LASP1: variants seen among roughly 807,000 people sequenced by gnomAD.
LASP1 encodes LIM and SH3 protein 1, also known as LIM and SH3 domain protein 1.
LASP1 carries 10 observed loss-of-function variants against 38.6 expected under a neutral mutation model. That is an observed-to-expected ratio of 0.26 (90% CI 0.16 to 0.44). The LOEUF is 0.44. Ranked by LOEUF, LASP1 falls within the 20% of genes least tolerant of loss-of-function variation. The probability of loss-of-function intolerance (pLI) is 1.00; values close to 1 mark genes in which losing one functional copy is unlikely to be tolerated. For missense variants in LASP1, 243 were observed against 375.7 expected (o/e 0.65, Z 2.92); for synonymous variants, 132 against 140.8 (o/e 0.94, Z 0.44).
intron 3 of LASP1, among the ~76,000 whole-genome samples, chr17:38,892,725 C>T (rs1486556136): frequency 6.6e-6 from 1 of 152,232 alleles, no homozygotes; most frequent in Non-Finnish European, 1.5e-5. Flanking sequence ...GTTGTTCCCC[C>T]TGCCCAGGAT....
chr17:38,921,387 C>T lies in LASP1; in HGVS notation c.*2609C>T, dbSNP rs1915294142. 1 of 232,834 alleles carries T rather than the reference C, an allele frequency of 4.3e-6. No individual in the cohort carries two copies. Among genetic ancestry groups the T allele is most frequent in the Non-Finnish European group, 8.5e-6 (1 of 117,522 alleles). 14.4% of individuals were successfully genotyped at this position (232,834 alleles called of 1,614,324 possible). A position where few individuals can be genotyped will look rare whatever the true frequency, so the allele number is the denominator to read the frequency against. On this transcript the variant is annotated 3_prime_UTR_variant, in exon 7 of 7. Coordinates refer to ENST00000318008, the MANE Select transcript of LASP1 (RefSeq NM_006148.4). ...CTCCTGTTTTCTCCCTCTCATGTCC[C>T]TCCAGGGAAAATGACTTTATTGCTT...
chr17:38,887,779 G>A (rs1408993561), intron 2 of LASP1, among the ~76,000 whole-genome samples: 1 of 152,206 alleles, frequency 6.6e-6, no homozygotes, highest in Non-Finnish European at 1.5e-5. Context: ...ATGCTCCTTT[G>A]ATTGAGGTCT....
Position 38,919,886 on chromosome 17 carries a change from G to A in LASP1, c.*1108G>A, listed in dbSNP as rs1314069075. 18 of 493,008 alleles carry A rather than the reference G, an allele frequency of 3.7e-5. No individual in the cohort carries two copies. The highest frequency in any genetic ancestry group is 3.1e-4 in the South Asian group (18 of 58,332). The allele number at this position is 493,008 out of a possible 1,614,324, so 30.5% of individuals were successfully genotyped here. Reference sequence around the variant, plus strand: ...CACGCAAGTGTGTGAGTGTGAGTGTGAGAGATGGGGCGGGGGTGTGTCTGT... The same window carrying A: ...CACGCAAGTGTGTGAGTGTGAGTGTAAGAGATGGGGCGGGGGTGTGTCTGT... On this transcript the variant is annotated 3_prime_UTR_variant, in exon 7 of 7. Transcript: ENST00000318008.
intron 1 of LASP1, among the ~76,000 whole-genome samples, chr17:38,871,882 A>G (rs1913620687): frequency 6.6e-6 from 1 of 152,104 alleles, no homozygotes; most frequent in Admixed American, 6.6e-5. Flanking sequence ...GCTTAGAGCT[A>G]TCAGATAATG....
intron 3 of LASP1, among the ~76,000 whole-genome samples, chr17:38,891,054 G>A (rs894479410): frequency 5.9e-5 from 9 of 152,264 alleles, no homozygotes; most frequent in Non-Finnish European, 1.2e-4. Flanking sequence ...AGGAGGGGAG[G>A]ACGGGTTCCA....
rs1383198206 is a variant in LASP1 at position 38,919,781 on chromosome 17, T to G, written c.*1003T>G. 7 of 424,172 alleles carry G rather than the reference T, an allele frequency of 1.7e-5. No homozygotes were observed. Among genetic ancestry groups the G allele is most frequent in the Non-Finnish European group, 3.2e-5 (7 of 221,616 alleles). 26.3% of individuals were successfully genotyped at this position (424,172 alleles called of 1,614,324 possible). ...GCCCAATGCCAAGTGGACTTGGAGC[T>G]GCACAAAGTCAGCAGGGACCACTAA... On this transcript the variant is annotated 3_prime_UTR_variant, in exon 7 of 7. Transcript: ENST00000318008.
chr17:38,899,569 G>A (rs1253430154), intron 4 of LASP1, among the ~76,000 whole-genome samples: 1 of 152,174 alleles, frequency 6.6e-6, no homozygotes, highest in Non-Finnish European at 1.5e-5. Context: ...AGCACAGGCA[G>A]CCCACAGACA....
intron 4 of LASP1, chr17:38,904,025 A>G (rs1192721684): frequency 6.6e-6 from 1 of 152,196 alleles, no homozygotes; most frequent in African/African-American, 2.4e-5. Flanking sequence ...ATTTACTTAC[A>G]TATTGATTTT....
rs1350572799 is a variant in LASP1 at position 38,918,922 on chromosome 17, A to G, written c.*144A>G. 1 of 936,536 alleles carries G rather than the reference A, an allele frequency of 1.1e-6. No individual in the cohort carries two copies. Among genetic ancestry groups the G allele is most frequent in the Non-Finnish European group, 1.6e-6 (1 of 635,270 alleles). 58.0% of individuals were successfully genotyped at this position (936,536 alleles called of 1,614,324 possible). A position where few individuals can be genotyped will look rare whatever the true frequency, so the allele number is the denominator to read the frequency against. On this transcript the variant is annotated 3_prime_UTR_variant, in exon 7 of 7. Coordinates refer to ENST00000318008, the MANE Select transcript of LASP1 (RefSeq NM_006148.4). This position sits in a 1 kb window ranked among gnomAD's most constrained non-coding sequence, Gnocchi z 4.4. ...ACCCCTCTTCCAGCTTCTTTTGCCAACTGAAGCCTTCTTCTGCCACTTCTG... is the reference window on the plus strand; with the variant it reads ...ACCCCTCTTCCAGCTTCTTTTGCCAGCTGAAGCCTTCTTCTGCCACTTCTG...
At position 38,920,697 on chromosome 17, in the gene LASP1, G is replaced by A. The variant is rs563600668; in HGVS notation, c.*1919G>A. On this transcript the variant is annotated 3_prime_UTR_variant, in exon 7 of 7. Coordinates refer to ENST00000318008, the MANE Select transcript of LASP1 (RefSeq NM_006148.4). ...TGAGAGGTTGAGGAAAAGACTGTGG[G>A]TGGGGAGGCCCTGCCTGACCCATCC... 13 of 233,976 alleles carry A rather than the reference G, an allele frequency of 5.6e-5. No homozygotes were observed. The highest frequency in any genetic ancestry group is 2.6e-4 in the African/African-American group (12 of 45,460). 14.5% of individuals were successfully genotyped at this position (233,976 alleles called of 1,614,324 possible).
At position 38,920,902 on chromosome 17, in the gene LASP1, C is replaced by T. The variant is rs113115317; in HGVS notation, c.*2124C>T. The T allele has an allele frequency of 0.018, 4,166 of 232,528 alleles. 170 individuals are homozygous for T. The highest frequency in any genetic ancestry group is 0.086 in the African/African-American group (3,903 of 45,318). The allele number at this position is 232,528 out of a possible 1,614,324, so 14.4% of individuals were successfully genotyped here. ...GGACCAAAGGTCAGGGACACATCCCCTTAGAGGACCTGAGTTTGGGAGAGT... is the reference window on the plus strand; with the variant it reads ...GGACCAAAGGTCAGGGACACATCCCTTTAGAGGACCTGAGTTTGGGAGAGT... On this transcript the variant is annotated 3_prime_UTR_variant, in exon 7 of 7. Coordinates refer to ENST00000318008, the MANE Select transcript of LASP1 (RefSeq NM_006148.4).
chr17:38,875,475 G>A (rs1352027659), intron 1 of LASP1, among the ~76,000 whole-genome samples: 1 of 152,114 alleles, frequency 6.6e-6, no homozygotes, highest in Non-Finnish European at 1.5e-5. Context: ...ATAGGAGTTT[G>A]GGGGCCCTGG....
chr17:38,886,121 T>A (rs1914122392), intron 2 of LASP1, among the ~76,000 whole-genome samples: 1 of 151,196 alleles, frequency 6.6e-6, no homozygotes, highest in Non-Finnish European at 1.5e-5. Context: ...ACTCGCTCTC[T>A]CACTCTCACT....
intron 1 of LASP1, 122 bp downstream of exon 1, chr17:38,870,380 C>G: frequency 8.8e-7 from 1 of 1,142,354 alleles, no homozygotes; most frequent in South Asian, 1.4e-5. Context: ...GGAGGGAGGG[C>G]GAGCGGGCGG....
chr17:38,918,220 T>A lies in LASP1; in HGVS notation c.613-385T>A, dbSNP rs1313503047. On this transcript the variant is annotated intron_variant, in intron 6 of 6. Coordinates refer to ENST00000318008, the MANE Select transcript of LASP1 (RefSeq NM_006148.4). This position sits in a 1 kb window ranked among gnomAD's most constrained non-coding sequence, Gnocchi z 4.4. ...TTTCAAACTTCTGGGCTCAAGCAGTTCTCCTGCCTTGGCCTCCCACAGTGC... is the reference window on the plus strand; with the variant it reads ...TTTCAAACTTCTGGGCTCAAGCAGTACTCCTGCCTTGGCCTCCCACAGTGC... Among the ~76,000 whole-genome samples the A allele has an allele frequency of 6.6e-6, 1 of 151,944 alleles. No homozygotes were observed. Among genetic ancestry groups the A allele is most frequent in the Non-Finnish European group, 1.5e-5 (1 of 68,006 alleles).
At chr17:38,870,903 A>G (rs1283526416) in intron 1 of LASP1, among the ~76,000 whole-genome samples, 1 of 152,148 alleles carries the variant, frequency 6.6e-6, no homozygotes, top group Non-Finnish European at 1.5e-5. Context: ...CCTCCTCCAC[A>G]GCTTCCCAAC....
At chr17:38,905,222 G>A (rs1914743218) in intron 4 of LASP1, among the ~76,000 whole-genome samples, 1 of 152,082 alleles carries the variant, frequency 6.6e-6, no homozygotes, top group African/African-American at 2.4e-5. Context: ...TGGAACTGCT[G>A]CATCTTAGAA....
chr17:38,886,461 A>T (rs1444106251), intron 2 of LASP1, among the ~76,000 whole-genome samples: 1 of 152,058 alleles, frequency 6.6e-6, no homozygotes. Flanking sequence ...CTGATGCAGG[A>T]TTAAAATCCT....
At chr17:38,897,169 T>C (rs1361922590) in intron 3 of LASP1, 1 of 812,694 alleles carries the variant, frequency 1.2e-6, no homozygotes, top group Non-Finnish European at 1.5e-6. Flanking sequence ...CTTGTCTGGA[T>C]CAGAACAGAG....
Sources: gnomAD v4.1 joint callset for allele counts (sites outside exome capture counted in the v4.1 genomes callset) on GRCh38, gnomAD v4.1.1 for gene constraint, Gnocchi (gnomAD v3.1) non-coding constraint, MANE v1.5 for transcripts, NCBI Gene and HGNC (gene_info 2026-07-23, HGNC 2026-07-21) for gene names.